TBX3: variants seen among roughly 807,000 people sequenced by gnomAD.
The protein encoded by TBX3 is T-box transcription factor TBX3.
A neutral mutation model predicts 47.8 loss-of-function variants in TBX3; 11 were observed. That is an observed-to-expected ratio of 0.23 (90% CI 0.14 to 0.38). TBX3 has a LOEUF of 0.38. Ranked by LOEUF, TBX3 falls within the 10% of genes least tolerant of loss-of-function variation. The pLI is 1.00. For missense variants in TBX3, 927 were observed against 1,022.8 expected, an observed-to-expected ratio of 0.91 and a Z score of 1.28; for synonymous variants, 500 against 449.3, an observed-to-expected ratio of 1.11 and a Z score of -1.43.
Position 114,683,527 on chromosome 12 carries a change from G to C in TBX3, c.-327C>G. The C allele has an allele frequency of 2.7e-6, 1 of 371,244 alleles. No individual in the cohort carries two copies. Among genetic ancestry groups the C allele is most frequent in the Non-Finnish European group, 4.9e-6 (1 of 205,126 alleles). 23.0% of individuals were successfully genotyped at this position (371,244 alleles called of 1,614,324 possible). A position where few individuals can be genotyped will look rare whatever the true frequency, so the allele number is the denominator to read the frequency against. On this transcript the variant is annotated 5_prime_UTR_variant, in exon 1 of 7. Coordinates refer to ENST00000349155, the MANE Select transcript of TBX3 (RefSeq NM_005996.4). The surrounding 1 kb of genome is among the most constrained non-coding windows in gnomAD (Gnocchi z 7.7). ...CGTCGGTTTCAGAAGCGAGAGGAGC[G>C]AGCAGGGTCTCGACTCGCGCCCGAG...
chr12:114,681,932 CTT>C (rs1221438881), intron 1 of TBX3, among the ~76,000 whole-genome samples: 5 of 152,300 alleles, frequency 3.3e-5, no homozygotes, highest in Non-Finnish European at 7.4e-5. Context: ...TTATGCCAAA[CTT>C]TGGCCTCATT....
At chr12:114,682,749 C>T in intron 1 of TBX3, 63 bp downstream of exon 1, 1 of 1,612,396 alleles carries the variant, frequency 6.2e-7, no homozygotes, top group East Asian at 2.2e-5. Context: ...GTTCTGGGAG[C>T]AGAGAAATAA....
At chr12:114,676,200 G>A (rs1868701121) in intron 5 of TBX3, 113 bp downstream of exon 5, 1 of 1,380,768 alleles carries the variant, frequency 7.2e-7, no homozygotes, top group Non-Finnish European at 1.0e-6. Flanking sequence ...AGGATGTTTA[G>A]AAGGCTTCTA....
chr12:114,683,813 A>C lies in TBX3; in HGVS notation c.-613T>G. On this transcript the variant is annotated 5_prime_UTR_variant, in exon 1 of 7. Transcript: ENST00000349155. This position sits in a 1 kb window ranked among gnomAD's most constrained non-coding sequence, Gnocchi z 7.7. The stretch of plus-strand genomic sequence containing the variant: ...TTTAAAAAAAAAAAAATCTGATTTA[A>C]ACCCCCTTCTACCAGCGCTATCAAA... 4.3e-6 allele frequency: 1 copy of C among 231,196 alleles called. No individual in the cohort carries two copies. The highest frequency in any genetic ancestry group is 5.6e-5 in the Admixed American group (1 of 17,716). 14.3% of individuals were successfully genotyped at this position (231,196 alleles called of 1,614,324 possible).
At chr12:114,672,386 C>A in intron 6 of TBX3, 84 bp from the exon 7 acceptor site, 1 of 1,225,926 alleles carries the variant, frequency 8.2e-7, no homozygotes, top group Non-Finnish European at 1.1e-6. Flanking sequence ...CCCCCTCCAA[C>A]ATTGGGCAAG....
chr12:114,675,392 A>G (rs1208582183), intron 5 of TBX3, among the ~76,000 whole-genome samples: 1 of 152,178 alleles, frequency 6.6e-6, no homozygotes, highest in African/African-American at 2.4e-5. Context: ...CTTCAACACC[A>G]GTACTCAGTT....
In TBX3 at chr12:114,672,285, A is replaced by G. The variant is rs1290911984; in HGVS notation, c.1728T>C (p.Pro576=). The G allele has an allele frequency of 6.4e-7, 1 of 1,567,754 alleles. No individual in the cohort carries two copies. Among genetic ancestry groups the G allele is most frequent in the Admixed American group, 1.9e-5 (1 of 52,578 alleles). The part of the protein sequence containing the change: ...VLASQGLAMS[P]FGSLFPYPYT... ...AGGGGTAAGGGAACAGGCTTCCGAA[A>G]GGGGACATGGCCAGGCCCTGGGGTG... Residue 576 remains proline, a synonymous_variant, in exon 7 of 7, where the codon CCT becomes CCC. Transcript: ENST00000349155.
At chr12:114,672,864 A>G (rs2121379404) in intron 6 of TBX3, among the ~76,000 whole-genome samples, 1 of 152,318 alleles carries the variant, frequency 6.6e-6, no homozygotes, top group Non-Finnish European at 1.5e-5. Context: ...AACAAAAAAA[A>G]CAGACAGTGA....
chr12:114,683,285 C>A lies in TBX3; in HGVS notation c.-85G>T. 1 of 1,544,860 alleles carries A rather than the reference C, an allele frequency of 6.5e-7. No individual in the cohort carries two copies. The highest frequency in any genetic ancestry group is 8.8e-7 in the Non-Finnish European group (1 of 1,139,054). On this transcript the variant is annotated 5_prime_UTR_variant, in exon 1 of 7. Transcript: ENST00000349155. This position sits in a 1 kb window ranked among gnomAD's most constrained non-coding sequence, Gnocchi z 7.7. ...TTGTTTTTTTGTTGTTGTTTAACAG[C>A]AGCACATAATTCAAAAGGGGGGAAA...
Position 114,676,550 on chromosome 12 carries a change from G to A in TBX3, c.882-80C>T, listed in dbSNP as rs1868720590. Reference sequence around the variant, plus strand: ...TGTTTCCCTTACCCTTTCCAAAGCGGCACACACATACCTCACACCCTGCCT... The same window carrying A: ...TGTTTCCCTTACCCTTTCCAAAGCGACACACACATACCTCACACCCTGCCT... On this transcript the variant is annotated intron_variant, in intron 4 of 6. Transcript: ENST00000349155. 2.5e-6 allele frequency: 4 copies of A among 1,570,982 alleles called. No homozygotes were observed. The African/African-American group carries it at 5.4e-5, about 21-fold the overall frequency.
intron 2 of TBX3, chr12:114,680,277 C>T: frequency 2.3e-6 from 1 of 426,658 alleles, no homozygotes; most frequent in Non-Finnish European, 4.3e-6. Flanking sequence ...CTGATATCTA[C>T]AAGCAATGAA....
chr12:114,679,458 G>A, intron 3 of TBX3, 47 bp downstream of exon 3: 1 of 1,613,514 alleles, frequency 6.2e-7, no homozygotes, highest in Non-Finnish European at 8.5e-7. Context: ...AGCTTTTAAG[G>A]GGAAGGCAAA....
At chr12:114,676,138 G>C (rs946660566) in intron 5 of TBX3, among the ~76,000 whole-genome samples, 175 bp downstream of exon 5, 2 of 152,174 alleles carry the variant, frequency 1.3e-5, no homozygotes, top group Non-Finnish European at 1.5e-5. Context: ...CTGCCTTAGC[G>C]GGGAAGGGGA....
chr12:114,670,551 C>T lies in TBX3; in HGVS notation c.*1290G>A, dbSNP rs1868369764. 1 of 192,282 alleles carries T rather than the reference C, an allele frequency of 5.2e-6. No individual in the cohort carries two copies. The highest frequency in any genetic ancestry group is 2.3e-5 in the African/African-American group (1 of 44,042). The allele number at this position is 192,282 out of a possible 1,614,324, so 11.9% of individuals were successfully genotyped here. ...TAAAAAGTCAAACCGCAGCCTCTGC[C>T]CTCCTCCCTCCCCACAGCAATCTCA... On this transcript the variant is annotated 3_prime_UTR_variant, in exon 7 of 7. Coordinates refer to ENST00000349155, the MANE Select transcript of TBX3 (RefSeq NM_005996.4).
chr12:114,677,615 A>C lies in TBX3; in HGVS notation c.846T>G (p.Gly282=). ...TTCGGCCATTTCCAGTGTCCCGGAA[A>C]CCTTTTGCAAAAGGGTTGTTGTCTA... The part of the protein sequence containing the change: ...LKIDNNPFAK[G]FRDTGNGRRE... Residue 282 remains glycine (G), a synonymous_variant, in exon 4 of 7, where the codon GGT becomes GGG. Coordinates refer to ENST00000349155, the MANE Select transcript of TBX3 (RefSeq NM_005996.4). The C allele has an allele frequency of 6.2e-7, 1 of 1,614,128 alleles. No homozygotes were observed. The highest frequency in any genetic ancestry group is 2.2e-5 in the East Asian group (1 of 44,866).
rs1868605211 is a variant in TBX3 at position 114,674,468 on chromosome 12, G to A, written c.1407C>T (p.Ala469=). 2 of 1,541,130 alleles carry A rather than the reference G, an allele frequency of 1.3e-6. No individual in the cohort carries two copies. The change falls in exon 6 of 7, where the codon GCC becomes GCT. Residue 469 remains alanine, a synonymous_variant. Coordinates refer to ENST00000349155, the MANE Select transcript of TBX3 (RefSeq NM_005996.4). Reference sequence around the variant, plus strand: ...GGGGGCCCTGGGCCAGGTGCGCGGCGGCCGCGTCCGTCTGCACCGTGAGCG... The same window carrying A: ...GGGGGCCCTGGGCCAGGTGCGCGGCAGCCGCGTCCGTCTGCACCGTGAGCG... ...FAPLTVQTDA[A]AAHLAQGPLP...
chr12:114,676,429 C>G lies in TBX3; in HGVS notation c.923G>C (p.Arg308Thr), dbSNP rs752533066. The change falls in exon 5 of 7, where the codon AGA becomes ACA. Residue 308 changes from arginine to threonine, a missense_variant. This residue lies in a region of TBX3 where 44 missense variants were observed against 59.3 expected (regional missense o/e 0.74). Transcript: ENST00000349155. ...AGAGGTCCCATTCTCCTTTTTGTGT[C>G]TTTCATCAAACACCCTCATGGACTG... ...TLQSMRVFDE[R>T]HKKENGTSDE... The G allele has an allele frequency of 6.2e-7, 1 of 1,614,220 alleles. No homozygotes were observed. The highest frequency in any genetic ancestry group is 1.1e-5 in the South Asian group (1 of 91,088).
At position 114,671,395 on chromosome 12, in the gene TBX3, C is replaced by A; in HGVS notation, c.*446G>T. On this transcript the variant is annotated 3_prime_UTR_variant, in exon 7 of 7. Transcript: ENST00000349155. ...AGTTTTTAATCTGCACAAACAGAAT[C>A]ATGTTAATGTGTTCACTTGTCCCGA... The A allele has an allele frequency of 3.7e-6, 1 of 268,000 alleles. No individual in the cohort carries two copies. The highest frequency in any genetic ancestry group is 7.2e-6 in the Non-Finnish European group (1 of 139,040). The allele number at this position is 268,000 out of a possible 1,614,324, so 16.6% of individuals were successfully genotyped here.
intron 3 of TBX3, among the ~76,000 whole-genome samples, chr12:114,678,457 G>A (rs184969439): frequency 6.6e-6 from 1 of 152,316 alleles, no homozygotes; most frequent in East Asian, 1.9e-4. Flanking sequence ...AGGTGGAAAG[G>A]GGGACCCTTG....
Sources: allele counts gnomAD v4.1 joint callset (sites outside exome capture counted in the v4.1 genomes callset), GRCh38; gene constraint gnomAD v4.1.1; regional missense constraint gnomAD v4.1.1; non-coding constraint Gnocchi (gnomAD v3.1); transcripts MANE v1.5; gene names NCBI Gene and HGNC (gene_info 2026-07-23, HGNC 2026-07-21).